ZER1: variants seen among roughly 807,000 people sequenced by gnomAD.
The protein encoded by ZER1 is zyg-11 related cell cycle regulator, also known as protein zer-1 homolog.
A neutral mutation model predicts 78.8 loss-of-function variants in ZER1; 11 were observed. The ratio of observed to expected loss-of-function variants is 0.14; its 90% CI spans 0.09 to 0.23. The LOEUF (loss-of-function observed/expected upper bound fraction) is 0.23, where lower values mean the gene tolerates loss of function less well. ZER1 is among the 10% of genes least tolerant of loss of function. ZER1 has a pLI of 1.00. For synonymous variants in ZER1, 400 were observed against 407.0 expected (o/e 0.98, Z 0.21); for missense variants, 588 against 996.9 (o/e 0.59, Z 5.52).
intron 8 of ZER1, among the ~76,000 whole-genome samples, chr9:128,744,089 G>C (rs555420928): frequency 6.6e-6 from 1 of 151,886 alleles, no homozygotes; most frequent in African/African-American, 2.4e-5. Context: ...AGTAGAGATG[G>C]GGTTTCACCG....
At position 128,750,769 on chromosome 9, in the gene ZER1, C is replaced by T; in HGVS notation, c.1206G>A (p.Lys402=). Residue 402 remains lysine, a synonymous_variant, in exon 8 of 16, where the codon AAG becomes AAA. Coordinates refer to ENST00000291900, the MANE Select transcript of ZER1 (RefSeq NM_006336.4). The part of the protein sequence containing the change: ...RALKLVITAL[K]CHKYDRNIQV... ...GAATGTTCCTGTCATATTTGTGGCACTTGAGGGCCGTGATGACCAGCTGTA... is the reference window on the plus strand; with the variant it reads ...GAATGTTCCTGTCATATTTGTGGCATTTGAGGGCCGTGATGACCAGCTGTA... 2 of 1,614,202 alleles carry T rather than the reference C, an allele frequency of 1.2e-6. No homozygotes were observed. The highest frequency in any genetic ancestry group is 1.7e-6 in the Non-Finnish European group (2 of 1,180,038).
Position 128,754,081 on chromosome 9 carries a change from TAA to T in ZER1, c.159-124_159-123del. On this transcript the variant is annotated intron_variant, in intron 2 of 15. Transcript: ENST00000291900. This position sits in a 1 kb window ranked among gnomAD's most constrained non-coding sequence, Gnocchi z 4.3. ...ACCCCAAGTAGCAACCTCCTTCTCC[TAA>T]GAGTATCTGGTCAGATCCTGACTAA... 4.8e-6 allele frequency: 6 copies of T among 1,242,274 alleles called. No individual in the cohort carries two copies. Among genetic ancestry groups the T allele is most frequent in the South Asian group, 4.6e-5 (3 of 65,878 alleles). The allele number at this position is 1,242,274 out of a possible 1,614,324, so 77.0% of individuals were successfully genotyped here. A position where few individuals can be genotyped will look rare whatever the true frequency, so the allele number is the denominator to read the frequency against.
At chr9:128,742,806 A>C in intron 8 of ZER1, 61 bp from the exon 9 acceptor site, 3 of 1,522,014 alleles carry the variant, frequency 2.0e-6, no homozygotes, top group Non-Finnish European at 2.7e-6. Context: ...GCAGGGCTCT[A>C]GGAACTATCT....
intron 1 of ZER1, among the ~76,000 whole-genome samples, chr9:128,756,645 A>G (rs186205284): frequency 6.6e-6 from 1 of 152,316 alleles, no homozygotes; most frequent in East Asian, 1.9e-4. Context: ...TTTAAAAAAA[A>G]AGTCATATAC....
chr9:128,734,144 A>ATATATAT (rs1554784814), intron 14 of ZER1, among the ~76,000 whole-genome samples: 5 of 14,440 alleles, frequency 3.5e-4, no homozygotes, highest in South Asian at 4.2e-3. Context: ...AAAAAAAAAA[A>ATATATAT]ATATATATAT....
intron 13 of ZER1, among the ~76,000 whole-genome samples, chr9:128,738,612 C>T (rs1242724502): frequency 6.6e-6 from 1 of 151,322 alleles, no homozygotes; most frequent in African/African-American, 2.4e-5. Flanking sequence ...GTCTCGATTT[C>T]CTGACCTCAT....
intron 14 of ZER1, among the ~76,000 whole-genome samples, chr9:128,734,852 T>G (rs1274322922): frequency 1.3e-5 from 2 of 152,140 alleles, no homozygotes; most frequent in African/African-American, 4.8e-5. Flanking sequence ...ATGTGTTTTT[T>G]TTTTTTTTCA....
Position 128,751,128 on chromosome 9 carries a change from G to C in ZER1, c.1179C>G (p.Ala393=). 1 of 1,591,750 alleles carries C rather than the reference G, an allele frequency of 6.3e-7. No homozygotes were observed. The highest frequency in any genetic ancestry group is 8.6e-7 in the Non-Finnish European group (1 of 1,165,386). Residue 393 remains alanine, a synonymous_variant, in exon 7 of 16, where the codon GCC becomes GCG. Coordinates refer to ENST00000291900, the MANE Select transcript of ZER1 (RefSeq NM_006336.4). This position sits in a 1 kb window ranked among gnomAD's most constrained non-coding sequence, Gnocchi z 5.4. The stretch of plus-strand genomic sequence containing the variant: ...CCCCAGGCTTGGAGCTGACCTTCAG[G>C]GCCCGCAGCAGCTGGTTGCAACGCT... The part of the protein sequence containing the change: ...RIERCNQLLR[A]LKLVITALKC...
In ZER1 at chr9:128,753,520, G is replaced by C. The variant is rs776923951; in HGVS notation, c.390C>G (p.Thr130=). The change falls in exon 4 of 16, where the codon ACC becomes ACG. Residue 130 remains threonine (T), a synonymous_variant. Transcript: ENST00000291900. This position sits in a 1 kb window ranked among gnomAD's most constrained non-coding sequence, Gnocchi z 7.5. ...SLQTLRSFSH[T]LVSLSLFGCT... ...AGCCGAAGAGGCTCAAGGACACCAG[G>C]GTGTGGCTGAAGCTCCTCAGTGTCT... 1 of 1,614,106 alleles carries C rather than the reference G, an allele frequency of 6.2e-7. No homozygotes were observed. Among genetic ancestry groups the C allele is most frequent in the Non-Finnish European group, 8.5e-7 (1 of 1,180,038 alleles).
intron 8 of ZER1, among the ~76,000 whole-genome samples, chr9:128,746,458 C>CTTTT (rs759531558): frequency 7.7e-6 from 1 of 129,314 alleles, no homozygotes; most frequent in Admixed American, 7.9e-5. Context: ...TCTTCTTTTC[C>CTTTT]TTTTTTTTTT....
At position 128,751,179 on chromosome 9, in the gene ZER1, G is replaced by A. The variant is rs1331819547; in HGVS notation, c.1128C>T (p.Asn376=). ...CGATGCGGGCGATGTCAAAAAGCAAGTTGATGGCCCGCGAGGTGATCTCAG... is the reference window on the plus strand; with the variant it reads ...CGATGCGGGCGATGTCAAAAAGCAAATTGATGGCCCGCGAGGTGATCTCAG... ...HRPEITSRAI[N]LLFDIARIER... Residue 376 remains asparagine (N), a synonymous_variant, in exon 7 of 16, where the codon AAC becomes AAT. Coordinates refer to ENST00000291900, the MANE Select transcript of ZER1 (RefSeq NM_006336.4). The surrounding 1 kb of genome is among the most constrained non-coding windows in gnomAD (Gnocchi z 5.4). The A allele has an allele frequency of 2.5e-6, 4 of 1,608,008 alleles. No individual in the cohort carries two copies. In the African/African-American group the frequency reaches 5.3e-5, roughly 21 times the overall value.
At chr9:128,760,042 G>A (rs1158842560) in intron 1 of ZER1, among the ~76,000 whole-genome samples, 1 of 151,602 alleles carries the variant, frequency 6.6e-6, no homozygotes, top group Non-Finnish European at 1.5e-5. Flanking sequence ...ACCACGCCCA[G>A]TAAATTTTTT....
chr9:128,751,669 G>A lies in ZER1; in HGVS notation c.924-142C>T. 1 of 674,276 alleles carries A rather than the reference G, an allele frequency of 1.5e-6. No individual in the cohort carries two copies. Among genetic ancestry groups the A allele is most frequent in the Non-Finnish European group, 2.5e-6 (1 of 392,202 alleles). 41.8% of individuals were successfully genotyped at this position (674,276 alleles called of 1,614,324 possible). On this transcript the variant is annotated intron_variant, in intron 5 of 15. Transcript: ENST00000291900. The surrounding 1 kb of genome is among the most constrained non-coding windows in gnomAD (Gnocchi z 5.4). The stretch of plus-strand genomic sequence containing the variant: ...CCTACTCCTTTTGTTTTTAATGGTA[G>A]GGGACATAAGCACCACCTCCTGATG...
In ZER1 at chr9:128,740,628, T is replaced by C. The variant is rs1487116171; in HGVS notation, c.1853+144A>G. 1 of 583,532 alleles carries C rather than the reference T, an allele frequency of 1.7e-6. No homozygotes were observed. Among genetic ancestry groups the C allele is most frequent in the African/African-American group, 1.9e-5 (1 of 53,386 alleles). 36.1% of individuals were successfully genotyped at this position (583,532 alleles called of 1,614,324 possible). On this transcript the variant is annotated intron_variant, in intron 12 of 15. Transcript: ENST00000291900. This position sits in a 1 kb window ranked among gnomAD's most constrained non-coding sequence, Gnocchi z 4.4. ...TACAAAAGGACCACTTACGAAGGATTGAATGAATAAGAAACCACATTATCG... is the reference window on the plus strand; with the variant it reads ...TACAAAAGGACCACTTACGAAGGATCGAATGAATAAGAAACCACATTATCG...
intron 1 of ZER1, among the ~76,000 whole-genome samples, chr9:128,763,590 C>G (rs779454005): frequency 6.6e-6 from 1 of 152,232 alleles, no homozygotes; most frequent in Non-Finnish European, 1.5e-5. Flanking sequence ...AAGCGCCTGT[C>G]GCGTAACTGG....
chr9:128,736,073 C>G (rs567805612), intron 13 of ZER1, among the ~76,000 whole-genome samples: 2 of 151,892 alleles, frequency 1.3e-5, no homozygotes, highest in African/African-American at 2.4e-5. Context: ...CTCAGCCTCC[C>G]GAGTAGCTGG....
At position 128,735,760 on chromosome 9, in the gene ZER1, G is replaced by GTTTTT. The variant is rs779646793; in HGVS notation, c.2043-330_2043-329insAAAAA. 3.2e-3 allele frequency among the ~76,000 whole-genome samples: 51 copies of GTTTTT among 16,190 alleles called. 20 individuals carry two copies. The highest frequency in any genetic ancestry group is 6.8e-3 in the African/African-American group (41 of 6,064). The allele number at this position is 16,190 out of a possible 152,430, so 10.6% of individuals were successfully genotyped here. ...CTGGGAACAGAAGCACGTGTGACCT[G>GTTTTT]GTTTTTTTTTTTTTTTTTTTTTTTT... On this transcript the variant is annotated intron_variant, in intron 13 of 15. Transcript: ENST00000291900.
intron 1 of ZER1, among the ~76,000 whole-genome samples, chr9:128,764,852 C>T (rs1864156730): frequency 6.6e-6 from 1 of 152,174 alleles, no homozygotes; most frequent in African/African-American, 2.4e-5. Context: ...AACCCTGTGT[C>T]TTTCTCCATC....
At chr9:128,750,811 C>T in intron 7 of ZER1, 22 bp from the exon 8 acceptor site, 1 of 1,613,696 alleles carries the variant, frequency 6.2e-7, no homozygotes, top group Non-Finnish European at 8.5e-7. Context: ...CAAGGGGGAC[C>T]TGGGCTGGCA....
Sources: gnomAD v4.1 joint callset for allele counts (sites outside exome capture counted in the v4.1 genomes callset) on GRCh38, gnomAD v4.1.1 for gene constraint, Gnocchi (gnomAD v3.1) non-coding constraint, MANE v1.5 for transcripts, NCBI Gene and HGNC (gene_info 2026-07-23, HGNC 2026-07-21) for gene names.